The following IRAK1BP1 variants were observed in gnomAD, a reference collection of about 807,000 sequenced individuals.
The protein encoded by IRAK1BP1 is interleukin 1 receptor associated kinase 1 binding protein 1.
A neutral mutation model predicts 28.0 loss-of-function variants in IRAK1BP1; 24 were observed. The ratio of observed to expected loss-of-function variants is 0.86; its 90% CI spans 0.62 to 1.20. The LOEUF is 1.20. IRAK1BP1 is among the 50% of genes most tolerant of loss of function. IRAK1BP1 has a pLI of 0.00. For missense variants in IRAK1BP1, 336 were observed against 316.7 expected (o/e 1.06, Z -0.46); for synonymous variants, 131 against 116.3 (o/e 1.13, Z -0.81).
chr6:78,945,818 A>T, exon 5 of IRAK1BP1: 1 of 616,262 alleles, frequency 1.6e-6, no homozygotes, highest in Middle Eastern at 4.5e-4. Flanking sequence ...GTCTATAATG[A>T]CCTAAACCTC....
chr6:78,913,837 A>G (rs1444559184), intron 4 of IRAK1BP1, among the ~76,000 whole-genome samples: 9 of 152,130 alleles, frequency 5.9e-5, no homozygotes, highest in Non-Finnish European at 1.0e-4. Flanking sequence ...AAATACTGAT[A>G]TTGGGTAAAA....
chr6:78,924,165 C>T (rs962511700), intron 4 of IRAK1BP1, among the ~76,000 whole-genome samples: 2 of 151,946 alleles, frequency 1.3e-5, no homozygotes, highest in African/African-American at 2.4e-5. Flanking sequence ...AATTGATAGA[C>T]CGTTAGCAAG....
At chr6:78,970,658 C>A in the IRAK1BP1 span, 1 of 648,420 alleles carries the variant, frequency 1.5e-6, no homozygotes, top group Non-Finnish European at 2.6e-6. Context: ...AGGACTGCTT[C>A]AATTAAACAA....
the IRAK1BP1 span, among the ~76,000 whole-genome samples, chr6:78,962,667 ATATACCCTC>A: frequency 6.6e-6 from 1 of 152,130 alleles, no homozygotes; most frequent in Non-Finnish European, 1.5e-5. Flanking sequence ...AGAGCAATTA[ATATACCCTC>A]TCCTCTCCCC....
downstream of IRAK1BP1, chr6:78,903,141 AG>A: frequency 8.8e-7 from 1 of 1,141,430 alleles, no homozygotes; most frequent in Non-Finnish European, 1.2e-6. Flanking sequence ...AGTGAGAAAA[AG>A]AAGACTAAGA....
chr6:78,930,678 C>G (rs995304587), intron 4 of IRAK1BP1, among the ~76,000 whole-genome samples: 1 of 152,002 alleles, frequency 6.6e-6, no homozygotes, highest in East Asian at 1.9e-4. Context: ...ACCTATAATC[C>G]CAGCACACTT....
At chr6:78,913,171 T>A (rs1772472112) in intron 4 of IRAK1BP1, among the ~76,000 whole-genome samples, 1 of 151,040 alleles carries the variant, frequency 6.6e-6, no homozygotes, top group Non-Finnish European at 1.5e-5. Context: ...CCATCTCTAC[T>A]AAAAATAAAA....
intron 1 of IRAK1BP1, chr6:78,871,538 G>A: frequency 1.0e-6 from 1 of 985,150 alleles, no homozygotes; most frequent in Non-Finnish European, 1.2e-6. Context: ...ACACATCAAG[G>A]CATATAGTTC....
At chr6:78,940,785 A>G in intron 4 of IRAK1BP1, 1 of 1,613,952 alleles carries the variant, frequency 6.2e-7, no homozygotes, top group Non-Finnish European at 8.5e-7. Flanking sequence ...GTGTCTTCGA[A>G]CAACAGCTGC....
chr6:78,952,782 T>C, the IRAK1BP1 span, among the ~76,000 whole-genome samples: 1 of 152,160 alleles, frequency 6.6e-6, no homozygotes, highest in Admixed American at 6.5e-5. Context: ...AATAACATAT[T>C]TTTTCCCTAT....
At chr6:78,950,449 T>C (rs1028883021), downstream of IRAK1BP1, among the ~76,000 whole-genome samples, 5 of 152,216 alleles carry the variant, frequency 3.3e-5, no homozygotes, top group Non-Finnish European at 5.9e-5. Flanking sequence ...TTTGGTTGAA[T>C]TCTCCAGTGA....
In IRAK1BP1 at chr6:78,914,340, G is replaced by A. The variant is rs530136183; in HGVS notation, c.*67+11230G>A. Among the ~76,000 whole-genome samples the A allele has an allele frequency of 4.6e-5, 7 of 152,210 alleles. No homozygotes were observed. The East Asian group carries it at 5.8e-4, about 13-fold the overall frequency. On this transcript the variant is annotated intron_variant and NMD_transcript_variant, in intron 4 of 4. Coordinates refer to the IRAK1BP1 transcript ENST00000606868. ...GAAGATAAGCCATTATCTGAGTTTT[G>A]GTATCATAATATTCAGCACATTAAA...
intron 1 of IRAK1BP1, among the ~76,000 whole-genome samples, chr6:78,870,109 C>CAAA (rs70977749): frequency 1.4e-4 from 6 of 41,562 alleles, no homozygotes; most frequent in African/African-American, 2.1e-4. Flanking sequence ...AACTCCGTCC[C>CAAA]AAAAAAAAAA....
intron 4 of IRAK1BP1, among the ~76,000 whole-genome samples, chr6:78,923,696 A>T (rs1232724324): frequency 6.6e-6 from 1 of 152,234 alleles, no homozygotes; most frequent in Non-Finnish European, 1.5e-5. Context: ...AATGTAAAAG[A>T]ACAGAAATTA....
chr6:78,869,788 C>T (rs534512131), intron 1 of IRAK1BP1, among the ~76,000 whole-genome samples: 4 of 152,168 alleles, frequency 2.6e-5, no homozygotes, highest in African/African-American at 7.2e-5. Flanking sequence ...TAAAGGGCTC[C>T]TCATAATCCA....
chr6:78,908,730 A>G (rs1772325404), intron 4 of IRAK1BP1, among the ~76,000 whole-genome samples: 1 of 152,238 alleles, frequency 6.6e-6, no homozygotes, highest in Non-Finnish European at 1.5e-5. Flanking sequence ...GTTTAGACAC[A>G]TAATGGGGTG....
At chr6:78,871,629 CT>C in intron 1 of IRAK1BP1, 1 of 700,888 alleles carries the variant, frequency 1.4e-6, no homozygotes, top group Non-Finnish European at 1.8e-6. Flanking sequence ...TCGGAGGAGG[CT>C]TTTAGGAGGT....
chr6:78,889,884 C>A (rs2127649051), intron 2 of IRAK1BP1, among the ~76,000 whole-genome samples: 1 of 152,102 alleles, frequency 6.6e-6, no homozygotes, highest in South Asian at 2.1e-4. Flanking sequence ...GATCTAAAAC[C>A]CGAAATACCA....
At chr6:78,971,809 C>T in the IRAK1BP1 span, among the ~76,000 whole-genome samples, 271 of 152,284 alleles carry the variant, frequency 1.8e-3, 1 homozygote, top group Middle Eastern at 0.017. Context: ...CCGAATACTG[C>T]GCTTTTCCAA....
Sources: allele counts gnomAD v4.1 joint callset (sites outside exome capture counted in the v4.1 genomes callset), GRCh38; gene constraint gnomAD v4.1.1; transcripts MANE v1.5; gene names NCBI Gene and HGNC (gene_info 2026-07-23, HGNC 2026-07-21).